SDK1: variants seen among roughly 807,000 people sequenced by gnomAD.
The protein encoded by SDK1 is sidekick cell adhesion molecule 1.
A neutral mutation model predicts 245.5 loss-of-function variants in SDK1; 157 were observed. The ratio of observed to expected loss-of-function variants is 0.64; its 90% CI spans 0.56 to 0.73. The LOEUF (loss-of-function observed/expected upper bound fraction) is 0.73. Among genes scored for constraint, SDK1 ranks in the 30% least tolerant of loss-of-function variants. The pLI is 0.00. For synonymous variants in SDK1, 1,647 were observed against 1,278.5 expected (o/e 1.29, Z -6.15); for missense variants, 3,583 against 3,002.3 (o/e 1.19, Z -4.52).
intron 4 of SDK1, among the ~76,000 whole-genome samples, chr7:3,811,578 C>T (rs1207856962): frequency 6.6e-6 from 1 of 152,182 alleles, no homozygotes; most frequent in Non-Finnish European, 1.5e-5. Context: ...AGGCAGATGT[C>T]CCTCTGTGCC....
At chr7:4,003,815 C>G (rs909128627) in intron 14 of SDK1, among the ~76,000 whole-genome samples, 1 of 152,218 alleles carries the variant, frequency 6.6e-6, no homozygotes, top group Admixed American at 6.5e-5. Flanking sequence ...TCTAGAGAGA[C>G]AGTCTGTTGT....
intron 4 of SDK1, among the ~76,000 whole-genome samples, chr7:3,802,647 AATCTGTTTTCCATCTGTACAGTTTTCTC>A (rs1323717017): frequency 6.6e-6 from 1 of 152,086 alleles, no homozygotes; most frequent in African/African-American, 2.4e-5. Context: ...GGCAGCCGCT[AATCTGTTTTCCATCTGTACAGTTTTCTC>A]ATCTTGAGAA....
chr7:3,723,969 G>C (rs1370500249), intron 4 of SDK1, among the ~76,000 whole-genome samples: 2 of 149,496 alleles, frequency 1.3e-5, no homozygotes, highest in East Asian at 4.0e-4. Flanking sequence ...GAGAGAGAGA[G>C]AGAGAGAGAA....
chr7:3,961,755 T>A (rs1318710885), intron 8 of SDK1, among the ~76,000 whole-genome samples: 1 of 152,170 alleles, frequency 6.6e-6, no homozygotes, highest in Non-Finnish European at 1.5e-5. Context: ...TGTTAGCTGT[T>A]GGGATGAATA....
intron 22 of SDK1, among the ~76,000 whole-genome samples, chr7:4,103,049 G>A (rs1470675823): frequency 2.7e-5 from 4 of 146,366 alleles, no homozygotes; most frequent in Non-Finnish European, 4.5e-5. Flanking sequence ...CACCCAGGCT[G>A]GAGTGTAGTG....
At chr7:3,950,607 A>G (rs1220443780) in intron 5 of SDK1, among the ~76,000 whole-genome samples, 1 of 152,186 alleles carries the variant, frequency 6.6e-6, no homozygotes, top group Non-Finnish European at 1.5e-5. Flanking sequence ...GTTTGAACAG[A>G]TGCCCTTCCA....
chr7:4,105,032 G>C (rs904362307), intron 22 of SDK1, among the ~76,000 whole-genome samples: 2 of 152,086 alleles, frequency 1.3e-5, no homozygotes, highest in African/African-American at 2.4e-5. Flanking sequence ...ACCCTGGCTG[G>C]TGTGGAGAGG....
intron 1 of SDK1, among the ~76,000 whole-genome samples, chr7:3,510,836 C>A (rs1782555421): frequency 6.6e-6 from 1 of 152,292 alleles, no homozygotes; most frequent in African/African-American, 2.4e-5. Context: ...TGTAAATTAC[C>A]CCAACAAAAG....
intron 13 of SDK1, among the ~76,000 whole-genome samples, chr7:3,980,540 G>C (rs761854851): frequency 3.9e-5 from 6 of 152,218 alleles, no homozygotes; most frequent in Non-Finnish European, 8.8e-5. Flanking sequence ...CATTAGATAA[G>C]ATTTTCTGAA....
At chr7:4,190,993 T>A (rs887137415) in intron 35 of SDK1, among the ~76,000 whole-genome samples, 3 of 152,124 alleles carry the variant, frequency 2.0e-5, no homozygotes, top group Non-Finnish European at 4.4e-5. Flanking sequence ...GGGGCCTGTG[T>A]CCACCCATCC....
rs569310501 is a variant in SDK1, at chr7:4,075,458, C to T, written c.3011-1540C>T. The stretch of plus-strand genomic sequence containing the variant: ...GGAGGAAGTTTCAGGTGCGTCCTAG[C>T]GCTTCTATATCCCTGAGGTTATTGA... On this transcript the variant is annotated intron_variant, in intron 20 of 44. Coordinates refer to ENST00000404826, the MANE Select transcript of SDK1 (RefSeq NM_152744.4). Among the ~76,000 whole-genome samples the T allele has an allele frequency of 6.6e-5, 10 of 152,282 alleles. No homozygotes were observed. In the East Asian group the frequency reaches 7.7e-4, roughly 12 times the overall value.
At chr7:3,871,527 G>C (rs757563716) in intron 5 of SDK1, among the ~76,000 whole-genome samples, 1 of 152,228 alleles carries the variant, frequency 6.6e-6, no homozygotes, top group Non-Finnish European at 1.5e-5. Context: ...TTTGGCTCAT[G>C]GTTCTGTAGG....
At chr7:4,121,272 A>G (rs1167212677) in intron 25 of SDK1, among the ~76,000 whole-genome samples, 3 of 152,092 alleles carry the variant, frequency 2.0e-5, no homozygotes, top group Non-Finnish European at 4.4e-5. Context: ...TGTAGCATGT[A>G]TGGTGATACG....
chr7:3,352,838 G>T (rs993887568), intron 1 of SDK1, among the ~76,000 whole-genome samples: 16 of 152,094 alleles, frequency 1.1e-4, no homozygotes, highest in African/African-American at 3.4e-4. Flanking sequence ...AGTGTCTGGG[G>T]AGGAAATGAG....
intron 1 of SDK1, among the ~76,000 whole-genome samples, chr7:3,382,091 T>G (rs1402241047): frequency 6.6e-6 from 1 of 152,174 alleles, no homozygotes; most frequent in Non-Finnish European, 1.5e-5. Context: ...TAGGCGTTAC[T>G]AGTTGTCCTC....
At chr7:3,500,593 G>GT (rs961074186) in intron 1 of SDK1, among the ~76,000 whole-genome samples, 14 of 151,974 alleles carry the variant, frequency 9.2e-5, no homozygotes, top group African/African-American at 3.4e-4. Flanking sequence ...TTTCTCCAGT[G>GT]TTTTGAAATT....
chr7:4,033,471 G>C (rs67819387), intron 17 of SDK1, among the ~76,000 whole-genome samples: 47,036 of 152,098 alleles, frequency 0.31, 11,055 homozygotes, highest in African/African-American at 0.66. Flanking sequence ...TGACTATTTA[G>C]AAGCTTTAAA....
chr7:3,333,124 C>A (rs1035673985), intron 1 of SDK1, among the ~76,000 whole-genome samples: 2 of 152,158 alleles, frequency 1.3e-5, no homozygotes, highest in African/African-American at 4.8e-5. Flanking sequence ...TTCAGGTCTC[C>A]TGCTTAAGAA....
intron 1 of SDK1, among the ~76,000 whole-genome samples, chr7:3,506,782 C>T (rs917579871): frequency 2.3e-4 from 35 of 151,598 alleles, no homozygotes; most frequent in Non-Finnish European, 4.9e-4. Context: ...TATTTTTCAA[C>T]TCCAGATGTT....
Sources: gnomAD v4.1 joint callset for allele counts (sites outside exome capture counted in the v4.1 genomes callset) on GRCh38, gnomAD v4.1.1 for gene constraint, MANE v1.5 for transcripts, NCBI Gene and HGNC (gene_info 2026-07-23, HGNC 2026-07-21) for gene names.